Variants in BAIAP2L1 observed in about 807,000 individuals in gnomAD.
BAIAP2L1 encodes BAR/IMD domain-containing adapter protein 2-like 1.
In BAIAP2L1, 35 loss-of-function variants were observed where a neutral mutation model predicts 66.3. The observed-to-expected ratio is 0.53, with a 90% CI of 0.40 to 0.70. The LOEUF (loss-of-function observed/expected upper bound fraction) is 0.70. Among genes scored for constraint, BAIAP2L1 ranks in the 30% least tolerant of loss-of-function variants. BAIAP2L1 has a pLI of 0.00. For synonymous variants in BAIAP2L1, 269 were observed against 248.7 expected (o/e 1.08, Z -0.77); for missense variants, 622 against 656.9 (o/e 0.95, Z 0.58).
chr7:98,348,878 G>A (rs533043883), intron 3 of BAIAP2L1, among the ~76,000 whole-genome samples: 2 of 152,350 alleles, frequency 1.3e-5, no homozygotes, highest in East Asian at 3.9e-4. Context: ...ATGTGGCAAC[G>A]TCACCACTCC....
chr7:98,350,828 G>A (rs1272868406), intron 3 of BAIAP2L1, among the ~76,000 whole-genome samples: 1 of 151,960 alleles, frequency 6.6e-6, no homozygotes, highest in Non-Finnish European at 1.5e-5. Flanking sequence ...AAAAGTGGGA[G>A]GGCCCTGGAA....
At chr7:98,343,420 C>T (rs1046321132) in intron 3 of BAIAP2L1, among the ~76,000 whole-genome samples, 5 of 152,040 alleles carry the variant, frequency 3.3e-5, no homozygotes, top group African/African-American at 1.2e-4. Context: ...CACTGCACTC[C>T]AGCCTGGGCA....
At chr7:98,394,504 C>T (rs1182979532) in intron 1 of BAIAP2L1, among the ~76,000 whole-genome samples, 7 of 151,940 alleles carry the variant, frequency 4.6e-5, no homozygotes, top group South Asian at 2.1e-4. Context: ...CTGGAACAAA[C>T]GATTTTGTTT....
chr7:98,361,616 A>T (rs1802272391), intron 2 of BAIAP2L1, among the ~76,000 whole-genome samples: 2 of 152,204 alleles, frequency 1.3e-5, no homozygotes, highest in South Asian at 4.1e-4. Flanking sequence ...CATTTTAATC[A>T]CAAAGACAGG....
At chr7:98,372,830 C>A (rs2115770503) in intron 1 of BAIAP2L1, among the ~76,000 whole-genome samples, 1 of 147,954 alleles carries the variant, frequency 6.8e-6, no homozygotes, top group East Asian at 2.1e-4. Context: ...ACTGCAACCT[C>A]TGCCTCCTGA....
rs545661348 is a variant in BAIAP2L1 at position 98,292,539 on chromosome 7, C to T, written c.*982G>A. On this transcript the variant is annotated 3_prime_UTR_variant, in exon 14 of 14. Coordinates refer to ENST00000005260, the MANE Select transcript of BAIAP2L1 (RefSeq NM_018842.5). Reference sequence around the variant, plus strand: ...GGCAGCCAAAGATGATTTCCAGCCCCGGGCTCAGGGCAGCCAGTGCGTAGT... The same window carrying T: ...GGCAGCCAAAGATGATTTCCAGCCCTGGGCTCAGGGCAGCCAGTGCGTAGT... The T allele has an allele frequency of 2.0e-4, 234 of 1,167,350 alleles. No homozygotes were observed. The African/African-American group carries it at 2.7e-3, about 13-fold the overall frequency. The allele number at this position is 1,167,350 out of a possible 1,614,324, so 72.3% of individuals were successfully genotyped here. A position where few individuals can be genotyped will look rare whatever the true frequency, so the allele number is the denominator to read the frequency against.
intron 12 of BAIAP2L1, among the ~76,000 whole-genome samples, chr7:98,295,912 G>A (rs1304194458): frequency 6.6e-6 from 1 of 152,204 alleles, no homozygotes; most frequent in Admixed American, 6.5e-5. Context: ...GATGACAGCT[G>A]GAAGCCACTC....
At chr7:98,329,322 C>G (rs1801441773) in intron 3 of BAIAP2L1, among the ~76,000 whole-genome samples, 1 of 152,200 alleles carries the variant, frequency 6.6e-6, no homozygotes, top group Non-Finnish European at 1.5e-5. Context: ...TCACAGGGAG[C>G]AGAGACCAAT....
intron 1 of BAIAP2L1, among the ~76,000 whole-genome samples, chr7:98,377,160 G>A (rs1802652842): frequency 6.6e-6 from 1 of 152,048 alleles, no homozygotes; most frequent in South Asian, 2.1e-4. Context: ...CTTATATATA[G>A]ATATACATAT....
At chr7:98,392,167 T>TAAAA (rs5886065) in intron 1 of BAIAP2L1, among the ~76,000 whole-genome samples, 12 of 120,744 alleles carry the variant, frequency 9.9e-5, no homozygotes, top group South Asian at 2.9e-4. Context: ...ACCCCCTCGC[T>TAAAA]AAAAAAAAAA....
intron 5 of BAIAP2L1, among the ~76,000 whole-genome samples, chr7:98,319,349 A>G (rs1332633166): frequency 2.6e-5 from 4 of 152,182 alleles, no homozygotes; most frequent in African/African-American, 9.6e-5. Flanking sequence ...GTCTCTGCAG[A>G]TGGGCCAGGG....
At chr7:98,297,826 G>A (rs555431262) in intron 12 of BAIAP2L1, among the ~76,000 whole-genome samples, 2 of 152,330 alleles carry the variant, frequency 1.3e-5, no homozygotes, top group South Asian at 2.1e-4. Context: ...ACGTGAGGGC[G>A]CGCTGTGAAA....
Position 98,320,252 on chromosome 7 carries a change from C to CT in BAIAP2L1, c.260dup (p.Ser88GlufsTer3), listed in dbSNP as rs770992030. On this transcript the variant is annotated frameshift_variant, in exon 4 of 14. Transcript: ENST00000005260. LOFTEE classifies it high-confidence loss of function. ...GATCACGTACATTTTCATCAAGACT[C>CT]TCGTTGAGTTTCTTGTGGGTACTTG... 6.2e-7 allele frequency: 1 copy of CT among 1,610,016 alleles called. No homozygotes were observed. The highest frequency in any genetic ancestry group is 8.5e-7 in the Non-Finnish European group (1 of 1,177,182).
chr7:98,394,793 G>A (rs544772729), intron 1 of BAIAP2L1, among the ~76,000 whole-genome samples: 3 of 152,308 alleles, frequency 2.0e-5, no homozygotes, highest in South Asian at 4.1e-4. Context: ...CATAAAGCAC[G>A]ACTCATAATA....
At chr7:98,369,277 A>G (rs1174107868) in intron 1 of BAIAP2L1, among the ~76,000 whole-genome samples, 1 of 152,092 alleles carries the variant, frequency 6.6e-6, no homozygotes, top group Non-Finnish European at 1.5e-5. Flanking sequence ...GAGCCCAGGA[A>G]TTCGAGACTA....
chr7:98,370,338 C>A (rs192096547), intron 1 of BAIAP2L1, among the ~76,000 whole-genome samples: 1 of 132,336 alleles, frequency 7.6e-6, no homozygotes, highest in Non-Finnish European at 1.6e-5. Context: ...TGCGCCACTG[C>A]ACTCCAGCCT....
Position 98,337,893 on chromosome 7 carries a change from G to C in BAIAP2L1, c.214+17149C>G, listed in dbSNP as rs541708948. Among the ~76,000 whole-genome samples the C allele has an allele frequency of 2.0e-5, 3 of 151,388 alleles. No homozygotes were observed. The East Asian group carries it at 5.9e-4, about 30-fold the overall frequency. On this transcript the variant is annotated intron_variant, in intron 3 of 13. Transcript: ENST00000005260. Reference sequence around the variant, plus strand: ...AGATCACGCCACTGCACTCCAGCCTGGGTGACAGAGCAAGACTCCATCTCC... The same window carrying C: ...AGATCACGCCACTGCACTCCAGCCTCGGTGACAGAGCAAGACTCCATCTCC...
intron 3 of BAIAP2L1, among the ~76,000 whole-genome samples, chr7:98,342,041 ATTTTTTTT>A (rs142061599): frequency 0.012 from 1,173 of 95,092 alleles, 11 homozygotes; most frequent in Non-Finnish European, 0.018. Context: ...TTTTTTTCTG[ATTTTTTTT>A]TTTTTTTTTT....
chr7:98,390,620 T>C (rs1803014328), intron 1 of BAIAP2L1, among the ~76,000 whole-genome samples: 1 of 151,624 alleles, frequency 6.6e-6, no homozygotes, highest in South Asian at 2.1e-4. Context: ...CAGTCCCAGC[T>C]ACTCAGGAGG....
Sources: gnomAD v4.1 joint callset for allele counts (sites outside exome capture counted in the v4.1 genomes callset) on GRCh38, gnomAD v4.1.1 for gene constraint, MANE v1.5 for transcripts, NCBI Gene and HGNC (gene_info 2026-07-23, HGNC 2026-07-21) for gene names.